RALGPS1: variants seen among roughly 807,000 people sequenced by gnomAD.
RALGPS1 encodes the protein ras-specific guanine nucleotide-releasing factor RalGPS1.
A neutral mutation model predicts 78.8 loss-of-function variants in RALGPS1; 19 were observed. The ratio of observed to expected loss-of-function variants is 0.24; its 90% CI spans 0.17 to 0.35. The LOEUF is 0.35. Among genes scored for constraint, RALGPS1 ranks in the 10% least tolerant of loss-of-function variants. The probability of loss-of-function intolerance (pLI) is 1.00; values close to 1 mark genes in which losing one functional copy is unlikely to be tolerated. For synonymous variants in RALGPS1, 228 were observed against 256.3 expected, an observed-to-expected ratio of 0.89 and a Z score of 1.06; for missense variants, 454 against 688.3, an observed-to-expected ratio of 0.66 and a Z score of 3.81.
At chr9:126,919,134 C>G (rs530266740) in intron 1 of RALGPS1, among the ~76,000 whole-genome samples, 2 of 152,292 alleles carry the variant, frequency 1.3e-5, no homozygotes, top group East Asian at 3.9e-4. Flanking sequence ...TTTATACATA[C>G]TCATTGGTGC....
intron 8 of RALGPS1, among the ~76,000 whole-genome samples, chr9:127,103,574 TTGC>T (rs2053936735): frequency 6.6e-6 from 1 of 152,198 alleles, no homozygotes; most frequent in Admixed American, 6.5e-5. Flanking sequence ...TTGGGTCCAT[TTGC>T]TGGGAGTCAG....
At position 126,962,252 on chromosome 9, in the gene RALGPS1, G is replaced by A. The variant is rs750510787; in HGVS notation, c.-38G>A. On this transcript the variant is annotated 5_prime_UTR_variant, in exon 2 of 19. Coordinates refer to ENST00000259351, the MANE Select transcript of RALGPS1 (RefSeq NM_014636.3). ...CTTCTCCAGACAGGTTATGTTACCT[G>A]CAGAGGCTGCCCTGAAGCTCCCTGT... 2.5e-6 allele frequency: 4 copies of A among 1,610,906 alleles called. No individual in the cohort carries two copies. The East Asian group carries it at 8.9e-5, about 36-fold the overall frequency.
chr9:127,185,769 G>C (rs2060604208), intron 11 of RALGPS1, among the ~76,000 whole-genome samples: 1 of 152,074 alleles, frequency 6.6e-6, no homozygotes, highest in African/African-American at 2.4e-5. Context: ...TCCCACACTT[G>C]ACTGGAAACT....
intron 4 of RALGPS1, among the ~76,000 whole-genome samples, chr9:127,024,035 T>TAAAAAAAA (rs1589078196): frequency 1.6e-4 from 3 of 19,152 alleles, no homozygotes; most frequent in African/African-American, 9.4e-4. Flanking sequence ...AGACTCTGTC[T>TAAAAAAAA]CAAAAAAAAA....
In RALGPS1 at chr9:127,209,290, A is replaced by C. The variant is rs1588576544; in HGVS notation, c.1248-2841A>C. ...GCTAGCGACCTGGCCGTGCTAGTGCACTCACTTGCGAGGTGCCCAGCATGT... is the reference window on the plus strand; with the variant it reads ...GCTAGCGACCTGGCCGTGCTAGTGCCCTCACTTGCGAGGTGCCCAGCATGT... On this transcript the variant is annotated intron_variant, in intron 14 of 18. Transcript: ENST00000259351. 1.3e-5 allele frequency among the ~76,000 whole-genome samples: 2 copies of C among 152,338 alleles called. 1 individual carries two copies. Among genetic ancestry groups the C allele is most frequent in the South Asian group, 4.1e-4 (2 of 4,830 alleles).
At chr9:127,071,593 T>C (rs1177510127) in intron 8 of RALGPS1, among the ~76,000 whole-genome samples, 1 of 152,158 alleles carries the variant, frequency 6.6e-6, no homozygotes, top group Non-Finnish European at 1.5e-5. Flanking sequence ...TTTGTGTATA[T>C]GTTTTTTTTT....
At chr9:127,067,141 T>A (rs2049785114) in intron 7 of RALGPS1, among the ~76,000 whole-genome samples, 1 of 152,130 alleles carries the variant, frequency 6.6e-6, no homozygotes, top group Non-Finnish European at 1.5e-5. Flanking sequence ...TTGTGAAGAT[T>A]AGATGAGTTA....
Position 126,969,716 on chromosome 9 carries a change from C to T in RALGPS1, c.165+3765C>T, listed in dbSNP as rs536462376. On this transcript the variant is annotated intron_variant, in intron 3 of 18. Transcript: ENST00000259351. Reference sequence around the variant, plus strand: ...TGTGGAATGGCAGAGAGTTAGACTGCATCATAGAAAAACATTGCCTAACAG... The same window carrying T: ...TGTGGAATGGCAGAGAGTTAGACTGTATCATAGAAAAACATTGCCTAACAG... Among the ~76,000 whole-genome samples the T allele has an allele frequency of 2.6e-5, 4 of 152,336 alleles. No individual in the cohort carries two copies. In the South Asian group the frequency reaches 8.3e-4, roughly 32 times the overall value.
At chr9:126,964,082 G>T (rs1268873858) in intron 2 of RALGPS1, among the ~76,000 whole-genome samples, 4 of 151,888 alleles carry the variant, frequency 2.6e-5, no homozygotes, top group Admixed American at 1.3e-4. Context: ...CCTGGGCTGG[G>T]TGTGGTGGCT....
chr9:127,082,264 T>C (rs572002999), intron 8 of RALGPS1, among the ~76,000 whole-genome samples: 1 of 152,190 alleles, frequency 6.6e-6, no homozygotes, highest in Non-Finnish European at 1.5e-5. Flanking sequence ...GTCTGTAAGC[T>C]GTAGGACAGT....
chr9:127,195,242 G>T, intron 12 of RALGPS1, 25 bp downstream of exon 12: 1 of 1,604,100 alleles, frequency 6.2e-7, no homozygotes, highest in Non-Finnish European at 8.5e-7. Flanking sequence ...AAGCCCTCCC[G>T]CCGGGCTTCA....
In RALGPS1 at chr9:126,982,135, C is replaced by T. The variant is rs896680441; in HGVS notation, c.216+4390C>T. Among the ~76,000 whole-genome samples, 6 of 152,292 alleles carry T rather than the reference C, an allele frequency of 3.9e-5. No homozygotes were observed. The South Asian group carries it at 6.2e-4, about 16-fold the overall frequency. On this transcript the variant is annotated intron_variant, in intron 4 of 18. Coordinates refer to ENST00000259351, the MANE Select transcript of RALGPS1 (RefSeq NM_014636.3). Reference sequence around the variant, plus strand: ...CAGCAAGGACTTTTGTGACCTGGCTCAGAAGTCACATACTGTCATTTGCAC... The same window carrying T: ...CAGCAAGGACTTTTGTGACCTGGCTTAGAAGTCACATACTGTCATTTGCAC...
At chr9:127,201,938 C>G (rs1415088576) in intron 14 of RALGPS1, among the ~76,000 whole-genome samples, 1 of 152,198 alleles carries the variant, frequency 6.6e-6, no homozygotes, top group Non-Finnish European at 1.5e-5. Context: ...GCCGTGGAGC[C>G]AGAGCCAAGG....
intron 6 of RALGPS1, among the ~76,000 whole-genome samples, chr9:127,051,294 C>T (rs1397892462): frequency 1.3e-5 from 2 of 152,184 alleles, no homozygotes; most frequent in Non-Finnish European, 2.9e-5. Context: ...GTTTATGGTG[C>T]CCACCCATGG....
At chr9:127,050,019 ATG>A in intron 5 of RALGPS1, 22 bp from the exon 6 acceptor site, 1 of 1,541,440 alleles carries the variant, frequency 6.5e-7, no homozygotes, top group Non-Finnish European at 9.0e-7. Flanking sequence ...GTATGTGTGT[ATG>A]TGTGTGTATT....
chr9:126,935,451 A>G (rs1307663358), intron 1 of RALGPS1, among the ~76,000 whole-genome samples: 1 of 152,228 alleles, frequency 6.6e-6, no homozygotes, highest in Non-Finnish European at 1.5e-5. Context: ...TTAGGTAGGA[A>G]CAGCCACAAC....
intron 8 of RALGPS1, among the ~76,000 whole-genome samples, chr9:127,157,618 T>C (rs2058775056): frequency 6.6e-6 from 1 of 152,092 alleles, no homozygotes; most frequent in Non-Finnish European, 1.5e-5. Flanking sequence ...TAAATTGCCC[T>C]TTTTTTCCAT....
intron 8 of RALGPS1, among the ~76,000 whole-genome samples, chr9:127,104,386 T>C (rs1023978938): frequency 1.2e-4 from 19 of 152,244 alleles, no homozygotes; most frequent in Non-Finnish European, 2.6e-4. Flanking sequence ...CCCAGGTGCC[T>C]GCTCTATCCT....
intron 1 of RALGPS1, among the ~76,000 whole-genome samples, chr9:126,927,644 C>A (rs376426346): frequency 2.3e-4 from 35 of 152,176 alleles, no homozygotes; most frequent in African/African-American, 7.5e-4. Flanking sequence ...GTCTCTACCC[C>A]CTTCAGCGCC....
Sources: allele counts gnomAD v4.1 joint callset (sites outside exome capture counted in the v4.1 genomes callset), GRCh38; gene constraint gnomAD v4.1.1; transcripts MANE v1.5; gene names NCBI Gene and HGNC (gene_info 2026-07-23, HGNC 2026-07-21).